Variants in TSKU observed in about 807,000 individuals in gnomAD.
TSKU encodes tsukushi.
In TSKU, 4 loss-of-function variants were observed where a neutral mutation model predicts 11.2. The observed-to-expected ratio is 0.36, with a 90% CI of 0.18 to 0.82. The LOEUF (loss-of-function observed/expected upper bound fraction) is 0.82. TSKU is among the 40% of genes least tolerant of loss of function. TSKU has a pLI of 0.50. For synonymous variants in TSKU, 220 were observed against 232.2 expected (o/e 0.95, Z 0.48); for missense variants, 407 against 482.5 (o/e 0.84, Z 1.47).
At chr11:76,790,530 C>CT (rs1944357503) in intron 1 of TSKU, among the ~76,000 whole-genome samples, 1 of 152,048 alleles carries the variant, frequency 6.6e-6, no homozygotes, top group Admixed American at 6.5e-5. Flanking sequence ...GGCTGTGCCC[C>CT]ACCCAAATCT....
intron 1 of TSKU, among the ~76,000 whole-genome samples, chr11:76,787,999 C>T (rs1944328388): frequency 6.6e-6 from 1 of 152,178 alleles, no homozygotes; most frequent in Non-Finnish European, 1.5e-5. Context: ...AGATGTGCTG[C>T]ATTGGTGGGT....
At chr11:76,785,212 T>A (rs1213456249) in intron 1 of TSKU, among the ~76,000 whole-genome samples, 3 of 152,204 alleles carry the variant, frequency 2.0e-5, no homozygotes, top group African/African-American at 7.2e-5. Flanking sequence ...GGGATTGACC[T>A]TTTCTCCTCT....
At position 76,796,958 on chromosome 11, in the gene TSKU, T is replaced by G; in HGVS notation, c.*280T>G. On this transcript the variant is annotated 3_prime_UTR_variant, in exon 2 of 2. Coordinates refer to ENST00000333090, the MANE Select transcript of TSKU (RefSeq NM_015516.4). The surrounding 1 kb of genome is among the most constrained non-coding windows in gnomAD (Gnocchi z 4.1). The stretch of plus-strand genomic sequence containing the variant: ...CCCTCCTGCTTCCCTTCCCCACTTA[T>G]CCCCCAAGTGCCTTCCCTCATGCCT... The G allele has an allele frequency of 1.1e-4, 27 of 255,116 alleles. No individual in the cohort carries two copies. Among genetic ancestry groups the G allele is most frequent in the Non-Finnish European group, 1.5e-4 (19 of 125,188 alleles). The allele number at this position is 255,116 out of a possible 1,614,324, so 15.8% of individuals were successfully genotyped here. A position where few individuals can be genotyped will look rare whatever the true frequency, so the allele number is the denominator to read the frequency against.
chr11:76,795,939 G>C lies in TSKU; in HGVS notation c.323G>C (p.Arg108Pro). The C allele has an allele frequency of 6.2e-7, 1 of 1,613,860 alleles. No individual in the cohort carries two copies. The highest frequency in any genetic ancestry group is 8.5e-7 in the Non-Finnish European group (1 of 1,180,018). ...TCACCCACTGCCTTCTCCCGCCTTC[G>C]CTACCTGGAGTCGCTTGACCTCAGC... ...SISPTAFSRL[R>P]YLESLDLSHN... The change falls in exon 2 of 2, where the codon CGC becomes CCC. Residue 108 changes from arginine to proline, a missense_variant. Physicochemically the swap from Arg to Pro is moderately radical, Grantham distance 103 (BLOSUM62 -2). Transcript: ENST00000333090.
At chr11:76,789,901 G>A (rs183940686) in intron 1 of TSKU, among the ~76,000 whole-genome samples, 15 of 152,160 alleles carry the variant, frequency 9.9e-5, no homozygotes, top group African/African-American at 3.6e-4. Flanking sequence ...GCACACCTGG[G>A]ACTAGAGCCC....
At chr11:76,782,847 C>T (rs1944251571), upstream of TSKU, 2 of 152,120 alleles carry the variant, frequency 1.3e-5, no homozygotes, top group South Asian at 4.2e-4. Context: ...GTCCCTGAAC[C>T]TCTTTCACTC....
upstream of TSKU, chr11:76,782,758 C>G (rs577620504): frequency 1.3e-5 from 2 of 152,270 alleles, no homozygotes; most frequent in East Asian, 3.9e-4. Flanking sequence ...TCTGCCCGAG[C>G]CGGGCTCTCT....
chr11:76,788,654 T>C (rs894772380), intron 1 of TSKU, among the ~76,000 whole-genome samples: 2 of 152,352 alleles, frequency 1.3e-5, no homozygotes, highest in Admixed American at 6.5e-5. Flanking sequence ...ACCTGTGTTC[T>C]TAGCCCTGTT....
At position 76,795,592 on chromosome 11, in the gene TSKU, T is replaced by C; in HGVS notation, c.-8-17T>C. The C allele has an allele frequency of 6.2e-7, 1 of 1,601,246 alleles. No homozygotes were observed. Among genetic ancestry groups the C allele is most frequent in the Non-Finnish European group, 8.5e-7 (1 of 1,177,590 alleles). ...CCATCTGGTGCATTCATTCCTCACCTGTGGCTCTCTTTCTAGCCCCCACCA... is the reference window on the plus strand; with the variant it reads ...CCATCTGGTGCATTCATTCCTCACCCGTGGCTCTCTTTCTAGCCCCCACCA... On this transcript the variant is annotated splice_polypyrimidine_tract_variant and intron_variant, in intron 1 of 1. Coordinates refer to ENST00000333090, the MANE Select transcript of TSKU (RefSeq NM_015516.4).
rs2134407722 is a variant in TSKU, at chr11:76,796,464, A to G, written c.848A>G (p.Glu283Gly). The change falls in exon 2 of 2, where the codon GAG becomes GGG. Residue 283 changes from glutamate (E) to glycine (G), a missense_variant. Physicochemically the swap from Glu to Gly is moderately conservative, Grantham distance 98 (BLOSUM62 -2). Coordinates refer to ENST00000333090, the MANE Select transcript of TSKU (RefSeq NM_015516.4). The surrounding 1 kb of genome is among the most constrained non-coding windows in gnomAD (Gnocchi z 4.1). ...TTTTCAGGCCTGAGCTCCCTGCAGG[A>G]GCTGGACCTTTCGGGCACCAACCTG... is the stretch of plus-strand genomic sequence containing the variant. The part of the protein sequence containing the change: ...EVFSGLSSLQ[E>G]LDLSGTNLVP... The G allele has an allele frequency of 6.2e-7, 1 of 1,613,262 alleles. No homozygotes were observed. Among genetic ancestry groups the G allele is most frequent in the East Asian group, 2.2e-5 (1 of 44,850 alleles).
Position 76,796,930 on chromosome 11 carries a change from G to C in TSKU, c.*252G>C, listed in dbSNP as rs1194321544. 2 of 359,404 alleles carry C rather than the reference G, an allele frequency of 5.6e-6. No homozygotes were observed. The highest frequency in any genetic ancestry group is 1.0e-5 in the Non-Finnish European group (2 of 191,606). 22.3% of individuals were successfully genotyped at this position (359,404 alleles called of 1,614,324 possible). A position where few individuals can be genotyped will look rare whatever the true frequency, so the allele number is the denominator to read the frequency against. ...GACTTCGATGCCAAACCAGACTCGG[G>C]TCCCCTCCTGCTTCCCTTCCCCACT... On this transcript the variant is annotated 3_prime_UTR_variant, in exon 2 of 2. Transcript: ENST00000333090. This position sits in a 1 kb window ranked among gnomAD's most constrained non-coding sequence, Gnocchi z 4.1.
intron 1 of TSKU, among the ~76,000 whole-genome samples, chr11:76,794,628 C>T (rs1031690987): frequency 1.3e-5 from 2 of 152,172 alleles, no homozygotes; most frequent in African/African-American, 2.4e-5. Flanking sequence ...ACTGCCTGCC[C>T]GAGGTTAAAG....
At chr11:76,783,511 G>C (rs1944265503) in intron 1 of TSKU, 107 bp downstream of exon 1, 1 of 152,184 alleles carries the variant, frequency 6.6e-6, no homozygotes, top group South Asian at 2.1e-4. Context: ...GGGGACGCCG[G>C]GCGCAGGGGC....
Position 76,796,879 on chromosome 11 carries a change from T to C in TSKU, c.*201T>C, listed in dbSNP as rs550692011. 4.7e-6 allele frequency: 2 copies of C among 428,998 alleles called. No homozygotes were observed. Among genetic ancestry groups the C allele is most frequent in the East Asian group, 3.5e-5 (1 of 28,638 alleles). The allele number at this position is 428,998 out of a possible 1,614,324, so 26.6% of individuals were successfully genotyped here. A position where few individuals can be genotyped will look rare whatever the true frequency, so the allele number is the denominator to read the frequency against. On this transcript the variant is annotated 3_prime_UTR_variant, in exon 2 of 2. Coordinates refer to ENST00000333090, the MANE Select transcript of TSKU (RefSeq NM_015516.4). This position sits in a 1 kb window ranked among gnomAD's most constrained non-coding sequence, Gnocchi z 4.1. ...GCAAAGTCTCACCCCTTTGTCTACG[T>C]TGCTTCCCCAAACCATGAGCAGAGG... is the stretch of plus-strand genomic sequence containing the variant.
In TSKU at chr11:76,796,077, A is replaced by G; in HGVS notation, c.461A>G (p.His154Arg). Residue 154 changes from histidine (H) to arginine (R), a missense_variant, in exon 2 of 2, where the codon CAC (histidine) becomes CGC (arginine). Transcript: ENST00000333090. This position sits in a 1 kb window ranked among gnomAD's most constrained non-coding sequence, Gnocchi z 4.1. ...REVSVSAFTT[H>R]SQGRALHVDL... ...GTCTCAGTGTCTGCCTTCACGACGCACAGTCAGGGCCGGGCACTACACGTG... is the reference window on the plus strand; with the variant it reads ...GTCTCAGTGTCTGCCTTCACGACGCGCAGTCAGGGCCGGGCACTACACGTG... 6.2e-7 allele frequency: 1 copy of G among 1,613,906 alleles called. No homozygotes were observed. The highest frequency in any genetic ancestry group is 8.5e-7 in the Non-Finnish European group (1 of 1,179,990).
At chr11:76,783,749 C>T (rs1944270273) in intron 1 of TSKU, among the ~76,000 whole-genome samples, 1 of 152,230 alleles carries the variant, frequency 6.6e-6, no homozygotes, top group Non-Finnish European at 1.5e-5. Context: ...CTTTGCGCGG[C>T]TGCTTTGCGC....
At chr11:76,794,865 G>A (rs1219889812) in intron 1 of TSKU, among the ~76,000 whole-genome samples, 2 of 152,180 alleles carry the variant, frequency 1.3e-5, no homozygotes, top group East Asian at 3.9e-4. Flanking sequence ...AGGCCCCATT[G>A]CAGGGAGGGA....
In TSKU at chr11:76,796,249, C is replaced by A; in HGVS notation, c.633C>A (p.Ser211Arg). The change falls in exon 2 of 2, where the codon AGC becomes AGA. Residue 211 changes from serine (S) to arginine (R), a missense_variant. Transcript: ENST00000333090. The surrounding 1 kb of genome is among the most constrained non-coding windows in gnomAD (Gnocchi z 4.1). ...NLRDLPLRYLSLDGNPLAVIG... is the reference protein window; with the variant it reads ...NLRDLPLRYLRLDGNPLAVIG... ...GAGACTTGCCCCTGCGCTACCTGAGCCTGGATGGGAACCCTCTAGCTGTCA... is the reference window on the plus strand; with the variant it reads ...GAGACTTGCCCCTGCGCTACCTGAGACTGGATGGGAACCCTCTAGCTGTCA... 7 of 1,613,524 alleles carry A rather than the reference C, an allele frequency of 4.3e-6. No individual in the cohort carries two copies. The highest frequency in any genetic ancestry group is 5.9e-6 in the Non-Finnish European group (7 of 1,179,986).
At chr11:76,788,961 G>C (rs1006158748) in intron 1 of TSKU, among the ~76,000 whole-genome samples, 2 of 152,210 alleles carry the variant, frequency 1.3e-5, no homozygotes. Flanking sequence ...GGGGTGGCCC[G>C]AGGGCCTGAG....
Sources: allele counts gnomAD v4.1 joint callset (sites outside exome capture counted in the v4.1 genomes callset), GRCh38; gene constraint gnomAD v4.1.1; non-coding constraint Gnocchi (gnomAD v3.1); transcripts MANE v1.5; gene names NCBI Gene and HGNC (gene_info 2026-07-23, HGNC 2026-07-21).